The following ANO1 variants were observed in gnomAD, a reference collection of about 807,000 sequenced individuals.
ANO1 encodes the protein anoctamin-1.
ANO1 carries 59 observed loss-of-function variants against 124.0 expected under a neutral mutation model. The ratio of observed to expected loss-of-function variants is 0.48; its 90% confidence interval spans 0.39 to 0.59. ANO1 has a LOEUF of 0.59. Among genes scored for constraint, ANO1 ranks in the 20% least tolerant of loss-of-function variants. The pLI, the probability that ANO1 is intolerant of heterozygous loss-of-function variation, is 0.00. For missense variants in ANO1, 1,059 were observed against 1,328.0 expected, an observed-to-expected ratio of 0.80 and a Z score of 3.15; for synonymous variants, 529 against 532.0, an observed-to-expected ratio of 0.99 and a Z score of 0.08.
intron 22 of ANO1, among the ~76,000 whole-genome samples, chr11:70,176,145 A>G (rs1590929363): frequency 1.4e-5 from 2 of 144,288 alleles, no homozygotes; most frequent in Non-Finnish European, 3.0e-5. Context: ...ATGGGTATAT[A>G]TATATATACA....
At chr11:70,125,371 A>G (rs2046455848) in intron 9 of ANO1, among the ~76,000 whole-genome samples, 1 of 141,730 alleles carries the variant, frequency 7.1e-6, no homozygotes, top group African/African-American at 2.6e-5. Flanking sequence ...AATAAATGCA[A>G]TGGGCGTGGT....
chr11:70,059,950 C>CTTTTTTT (rs36021561), intron 1 of ANO1, among the ~76,000 whole-genome samples: 4 of 75,540 alleles, frequency 5.3e-5, no homozygotes, highest in Non-Finnish European at 9.4e-5. Context: ...AGGCGTTGGC[C>CTTTTTTT]TTTTTTTTTT....
intron 2 of ANO1, among the ~76,000 whole-genome samples, chr11:70,097,461 C>A (rs769058342): frequency 6.6e-6 from 1 of 152,196 alleles, no homozygotes; most frequent in Non-Finnish European, 1.5e-5. Flanking sequence ...TACCAGGCAC[C>A]GGCAATGACC....
chr11:70,001,727 C>T (rs990115965), intron 1 of ANO1, among the ~76,000 whole-genome samples: 6 of 152,062 alleles, frequency 3.9e-5, no homozygotes, highest in Non-Finnish European at 7.4e-5. Flanking sequence ...GAGTTGCACA[C>T]GTATTGCAGG....
intron 1 of ANO1, among the ~76,000 whole-genome samples, chr11:70,065,849 C>T (rs1409499111): frequency 6.6e-6 from 1 of 152,202 alleles, no homozygotes; most frequent in East Asian, 1.9e-4. Context: ...GATCTCTGCT[C>T]AGATGTCACT....
intron 1 of ANO1, among the ~76,000 whole-genome samples, chr11:70,079,554 C>T (rs920617404): frequency 6.6e-6 from 1 of 152,102 alleles, no homozygotes; most frequent in Non-Finnish European, 1.5e-5. Context: ...CAAAGTTTGC[C>T]GGAAGAGGAT....
At chr11:70,132,928 A>C (rs767057996) in intron 11 of ANO1, among the ~76,000 whole-genome samples, 1 of 146,608 alleles carries the variant, frequency 6.8e-6, no homozygotes, top group Admixed American at 6.7e-5. Context: ...CCAGGCACAG[A>C]GACAGCGCTG....
chr11:70,095,426 GAAAAGA>G (rs1330873639), intron 2 of ANO1, among the ~76,000 whole-genome samples: 7 of 47,460 alleles, frequency 1.5e-4, no homozygotes, highest in Non-Finnish European at 3.5e-4. Context: ...AAGAAAGAAA[GAAAAGA>G]AAAGAAAGAA....
intron 22 of ANO1, among the ~76,000 whole-genome samples, chr11:70,174,136 C>T (rs886463377): frequency 2.6e-5 from 4 of 151,270 alleles, no homozygotes; most frequent in African/African-American, 9.7e-5. Context: ...GACGGGGTTT[C>T]ACCATGTTAG....
intron 1 of ANO1, among the ~76,000 whole-genome samples, chr11:70,022,254 G>A (rs1555002687): frequency 1.3e-5 from 2 of 152,110 alleles, no homozygotes; most frequent in African/African-American, 4.8e-5. Context: ...CACGACTCTG[G>A]ACCTCAGCAC....
chr11:69,969,087 G>A, the ANO1 span, among the ~76,000 whole-genome samples: 11 of 152,198 alleles, frequency 7.2e-5, no homozygotes, highest in Admixed American at 5.2e-4. Context: ...CTTTCTTGGT[G>A]GCTGCTGCCT....
intron 5 of ANO1, chr11:70,108,080 C>A (rs1486995020): frequency 9.1e-6 from 4 of 441,732 alleles, no homozygotes; most frequent in African/African-American, 7.7e-5. Context: ...TTTGCTGGGG[C>A]CAACTGCCAT....
intron 1 of ANO1, among the ~76,000 whole-genome samples, chr11:70,000,825 G>A (rs149512078): frequency 5.8e-4 from 88 of 152,190 alleles, no homozygotes; most frequent in Middle Eastern, 6.8e-3. Flanking sequence ...GCCCTCTACA[G>A]CAACAGGAGG....
intron 1 of ANO1, among the ~76,000 whole-genome samples, chr11:70,013,859 A>G (rs1856648715): frequency 7.4e-6 from 1 of 135,568 alleles, no homozygotes; most frequent in Admixed American, 7.5e-5. Flanking sequence ...AACAGCATGA[A>G]TGTGTTGTCT....
intron 1 of ANO1, among the ~76,000 whole-genome samples, chr11:70,014,689 C>T (rs548340790): frequency 6.6e-6 from 1 of 152,026 alleles, no homozygotes; most frequent in Non-Finnish European, 1.5e-5. Context: ...GTTGTGGGTT[C>T]ATACAGTTTC....
intron 18 of ANO1, among the ~76,000 whole-genome samples, chr11:70,162,912 A>G (rs1230130909): frequency 2.6e-5 from 4 of 152,208 alleles, no homozygotes; most frequent in Admixed American, 2.6e-4. Flanking sequence ...CCAGCTGTCC[A>G]TGGACCCCAC....
chr11:70,022,964 G>C (rs1856833924), intron 1 of ANO1, among the ~76,000 whole-genome samples: 1 of 152,202 alleles, frequency 6.6e-6, no homozygotes, highest in South Asian at 2.1e-4. Context: ...TCAGAGGGAT[G>C]CACTGCCAGC....
intron 1 of ANO1, among the ~76,000 whole-genome samples, chr11:70,061,492 C>T (rs1180080689): frequency 1.4e-5 from 2 of 146,006 alleles, no homozygotes; most frequent in East Asian, 4.3e-4. Flanking sequence ...CTCCCCCTCT[C>T]TCTTTCTCTC....
At chr11:70,178,668 A>G (rs1344423999) in intron 22 of ANO1, among the ~76,000 whole-genome samples, 1 of 151,192 alleles carries the variant, frequency 6.6e-6, no homozygotes, top group Admixed American at 6.6e-5. Flanking sequence ...GGCTCAATCT[A>G]TTCTCGTGCC....
Sources: gnomAD v4.1 joint callset for allele counts (sites outside exome capture counted in the v4.1 genomes callset) on GRCh38, gnomAD v4.1.1 for gene constraint, MANE v1.5 for transcripts, NCBI Gene and HGNC (gene_info 2026-07-23, HGNC 2026-07-21) for gene names.